NBAS: variants seen among roughly 807,000 people sequenced by gnomAD.
NBAS encodes NAG/BC035112 fusion.
Under a neutral mutation model 302.5 loss-of-function variants are expected in NBAS, and 219 were observed. That is an observed-to-expected ratio of 0.72 (90% confidence interval 0.65 to 0.81). NBAS has a LOEUF of 0.81. Ranked by LOEUF, NBAS falls within the 30% of genes least tolerant of loss-of-function variation. The probability of loss-of-function intolerance (pLI) is 0.00; values close to 1 mark genes in which losing one functional copy is unlikely to be tolerated. For synonymous variants in NBAS, 1,118 were observed against 1,021.6 expected (o/e 1.09, Z -1.80); for missense variants, 2,932 against 2,841.6 (o/e 1.03, Z -0.72).
At chr2:15,126,940 G>T in the NBAS span, among the ~76,000 whole-genome samples, 11 of 152,184 alleles carry the variant, frequency 7.2e-5, no homozygotes, top group Non-Finnish European at 2.9e-5. Context: ...CAAACAACCA[G>T]TAACACACAA....
intron 21 of NBAS, among the ~76,000 whole-genome samples, chr2:15,450,724 C>A (rs1678966390): frequency 6.6e-6 from 1 of 152,096 alleles, no homozygotes; most frequent in African/African-American, 2.4e-5. Context: ...TTTTGCTAAA[C>A]TGTTCTTTCA....
chr2:15,113,320 C>CGTGTGTGTGTGT, the NBAS span, among the ~76,000 whole-genome samples: 8,264 of 129,806 alleles, frequency 0.064, 442 homozygotes, highest in Non-Finnish European at 0.09. Flanking sequence ...GGTATGAACT[C>CGTGTGTGTGTGT]GTGTGTGTGT....
chr2:14,981,856 G>A, the NBAS span, among the ~76,000 whole-genome samples: 4 of 152,214 alleles, frequency 2.6e-5, no homozygotes, highest in African/African-American at 9.7e-5. Flanking sequence ...GTTTATGACA[G>A]CAGTGTTACC....
the NBAS span, among the ~76,000 whole-genome samples, chr2:14,786,313 C>G: frequency 6.6e-6 from 1 of 151,982 alleles, no homozygotes; most frequent in East Asian, 1.9e-4. Context: ...TTTTGTGTCT[C>G]TATTTCCTTC....
At chr2:14,951,808 G>C in the NBAS span, among the ~76,000 whole-genome samples, 12 of 152,170 alleles carry the variant, frequency 7.9e-5, no homozygotes, top group Non-Finnish European at 1.3e-4. Flanking sequence ...ATTGACATGG[G>C]AGCAGGCAGA....
At chr2:15,098,361 T>C in the NBAS span, among the ~76,000 whole-genome samples, 4 of 2,288 alleles carry the variant, frequency 1.7e-3, no homozygotes, top group African/African-American at 2.2e-3. Context: ...TATGATATAT[T>C]GTATATAATA....
chr2:15,369,879 C>T (rs7602186), intron 31 of NBAS, among the ~76,000 whole-genome samples: 97,855 of 152,078 alleles, frequency 0.64, 32,212 homozygotes, highest in Middle Eastern at 0.69. Flanking sequence ...TCTAACCAGC[C>T]ACCTATATTC....
intron 48 of NBAS, among the ~76,000 whole-genome samples, chr2:15,203,094 G>A (rs1572441085): frequency 6.6e-6 from 1 of 152,114 alleles, no homozygotes; most frequent in Non-Finnish European, 1.5e-5. Context: ...AGATTACTTT[G>A]AGAATAATAT....
chr2:15,201,095 G>A (rs1294876947), intron 48 of NBAS, among the ~76,000 whole-genome samples: 4 of 152,242 alleles, frequency 2.6e-5, no homozygotes, highest in Non-Finnish European at 5.9e-5. Context: ...TATTGCTCCA[G>A]GTAACTCACA....
chr2:15,095,731 T>C, the NBAS span, among the ~76,000 whole-genome samples: 2 of 152,182 alleles, frequency 1.3e-5, no homozygotes, highest in Admixed American at 6.5e-5. Flanking sequence ...ACATTAAACA[T>C]GTCCCATTGT....
chr2:14,926,282 C>T, the NBAS span, among the ~76,000 whole-genome samples: 1 of 152,154 alleles, frequency 6.6e-6, no homozygotes, highest in Non-Finnish European at 1.5e-5. Flanking sequence ...ACCACACCTC[C>T]CCTTCTATCA....
At chr2:14,962,637 G>T in the NBAS span, among the ~76,000 whole-genome samples, 1 of 152,090 alleles carries the variant, frequency 6.6e-6, no homozygotes, top group African/African-American at 2.4e-5. Context: ...ATGGTGCATT[G>T]TTCAGGGTAT....
the NBAS span, among the ~76,000 whole-genome samples, chr2:15,084,385 C>T: frequency 6.6e-6 from 1 of 152,148 alleles, no homozygotes; most frequent in Non-Finnish European, 1.5e-5. Flanking sequence ...TTTATATGAT[C>T]ACAGAAGTAA....
intron 35 of NBAS, among the ~76,000 whole-genome samples, chr2:15,342,510 A>T (rs1407656819): frequency 1.3e-5 from 2 of 152,082 alleles, no homozygotes; most frequent in Non-Finnish European, 2.9e-5. Context: ...AACCTCCAGG[A>T]GACAGAGGAG....
At chr2:15,047,289 G>A in the NBAS span, among the ~76,000 whole-genome samples, 1 of 152,274 alleles carries the variant, frequency 6.6e-6, no homozygotes, top group Non-Finnish European at 1.5e-5. Context: ...CCTTGCCTCT[G>A]CAGAGATGTG....
At chr2:15,389,461 A>C (rs1675480938) in intron 28 of NBAS, among the ~76,000 whole-genome samples, 1 of 152,224 alleles carries the variant, frequency 6.6e-6, no homozygotes, top group South Asian at 2.1e-4. Flanking sequence ...AAATGTATGA[A>C]GCAGTAAACA....
intron 40 of NBAS, among the ~76,000 whole-genome samples, chr2:15,305,929 G>C (rs771226079): frequency 1.2e-4 from 19 of 152,186 alleles, no homozygotes; most frequent in Non-Finnish European, 2.4e-4. Context: ...CATCCACTTA[G>C]AGACCTCAGT....
At chr2:15,391,877 A>T (rs977352032) in intron 28 of NBAS, among the ~76,000 whole-genome samples, 2 of 151,130 alleles carry the variant, frequency 1.3e-5, no homozygotes, top group African/African-American at 2.4e-5. Flanking sequence ...ACCGTAGCAT[A>T]CTAAAAAAAA....
chr2:15,167,003 A>T lies in NBAS; in HGVS notation c.*45T>A. 1 of 1,507,462 alleles carries T rather than the reference A, an allele frequency of 6.6e-7. No individual in the cohort carries two copies. Among genetic ancestry groups the T allele is most frequent in the Non-Finnish European group, 8.9e-7 (1 of 1,127,750 alleles). The allele number at this position is 1,507,462 out of a possible 1,614,324, so 93.4% of individuals were successfully genotyped here. On this transcript the variant is annotated 3_prime_UTR_variant, in exon 52 of 52. Transcript: ENST00000281513. ...ATGTTGCTTCTGGGAACAGCATTCA[A>T]CTCCAGATGCTTTTTCTGCTAAGGA...
Sources: allele counts gnomAD v4.1 joint callset (sites outside exome capture counted in the v4.1 genomes callset), GRCh38; gene constraint gnomAD v4.1.1; transcripts MANE v1.5; gene names NCBI Gene and HGNC (gene_info 2026-07-23, HGNC 2026-07-21).